Variants in NPEPPS observed in about 807,000 individuals in gnomAD.
NPEPPS encodes the protein puromycin-sensitive aminopeptidase.
In NPEPPS, 14 loss-of-function variants were observed where a neutral mutation model predicts 115.5. The ratio of observed to expected loss-of-function variants is 0.12; its 90% CI spans 0.08 to 0.19. NPEPPS has a LOEUF of 0.19. Among genes scored for constraint, NPEPPS ranks in the 10% least tolerant of loss-of-function variants. The probability of loss-of-function intolerance (pLI) is 1.00; values close to 1 mark genes in which losing one functional copy is unlikely to be tolerated. For synonymous variants in NPEPPS, 285 were observed against 390.6 expected (o/e 0.73, Z 3.19); for missense variants, 523 against 1,110.8 (o/e 0.47, Z 7.52).
Position 47,622,914 on chromosome 17 carries a change from G to GA in NPEPPS, c.*996dup, listed in dbSNP as rs1914677304. 2.2e-6 allele frequency: 1 copy of GA among 455,898 alleles called. No homozygotes were observed. Among genetic ancestry groups the GA allele is most frequent in the Non-Finnish European group, 4.4e-6 (1 of 226,810 alleles). 28.2% of individuals were successfully genotyped at this position (455,898 alleles called of 1,614,324 possible). On this transcript the variant is annotated 3_prime_UTR_variant, in exon 23 of 23. Coordinates refer to ENST00000322157, the MANE Select transcript of NPEPPS (RefSeq NM_006310.4). Reference sequence around the variant, plus strand: ...CTCCCGGTTCATTTTATGCGTGCGAGAAGTCAGTGGTAACTGCTGCAGGGC... The same window carrying GA: ...CTCCCGGTTCATTTTATGCGTGCGAGAAAGTCAGTGGTAACTGCTGCAGGGC...
At chr17:47,585,370 T>G in intron 5 of NPEPPS, 130 bp from the exon 6 acceptor site, 1 of 637,958 alleles carries the variant, frequency 1.6e-6, no homozygotes, top group Non-Finnish European at 2.7e-6. Flanking sequence ...TGAATTGGGG[T>G]AGAGAAATAA....
intron 3 of NPEPPS, among the ~76,000 whole-genome samples, chr17:47,570,087 A>G (rs1911105248): frequency 6.6e-6 from 1 of 152,226 alleles, no homozygotes; most frequent in Non-Finnish European, 1.5e-5. Flanking sequence ...ATTCTATCCT[A>G]GAATGTAATG....
At chr17:47,563,188 C>T (rs540272921) in intron 2 of NPEPPS, among the ~76,000 whole-genome samples, 4 of 151,894 alleles carry the variant, frequency 2.6e-5, no homozygotes, top group South Asian at 2.1e-4. Flanking sequence ...TGCACCACCA[C>T]GCCTGGCTAA....
intron 12 of NPEPPS, chr17:47,592,765 T>C: frequency 2.2e-6 from 1 of 451,824 alleles, no homozygotes; most frequent in Middle Eastern, 6.5e-4. Context: ...TCTTTCTTTT[T>C]TTTAATTAAA....
chr17:47,616,603 G>A (rs1198232259), intron 19 of NPEPPS, among the ~76,000 whole-genome samples: 2 of 151,830 alleles, frequency 1.3e-5, no homozygotes, highest in Non-Finnish European at 2.9e-5. Flanking sequence ...AGCATTGCTT[G>A]AACCTGGGAG....
chr17:47,607,358 A>G (rs1913578602), intron 17 of NPEPPS, among the ~76,000 whole-genome samples: 1 of 152,204 alleles, frequency 6.6e-6, no homozygotes, highest in Admixed American at 6.5e-5. Context: ...CAGAGGAAAC[A>G]GCAAGTACAA....
intron 19 of NPEPPS, among the ~76,000 whole-genome samples, chr17:47,618,127 C>T (rs1281860240): frequency 2.0e-5 from 3 of 152,020 alleles, no homozygotes; most frequent in East Asian, 1.9e-4. Flanking sequence ...GTGATCCACC[C>T]GCCTCGGCCT....
chr17:47,527,273 A>G (rs1034173687), upstream of NPEPPS, among the ~76,000 whole-genome samples: 2 of 152,198 alleles, frequency 1.3e-5, no homozygotes, highest in African/African-American at 4.8e-5. Context: ...ACTTGAGGAC[A>G]GGAGTTCGAG....
intron 12 of NPEPPS, chr17:47,596,068 A>G (rs1184303013): frequency 4.7e-6 from 1 of 211,574 alleles, no homozygotes; most frequent in African/African-American, 2.4e-5. Flanking sequence ...AGGGAAGATC[A>G]CCTGAGTCTG....
At chr17:47,534,377 C>G (rs1171966407) in intron 1 of NPEPPS, among the ~76,000 whole-genome samples, 1 of 152,064 alleles carries the variant, frequency 6.6e-6, no homozygotes, top group Admixed American at 6.6e-5. Flanking sequence ...CTGTGCCCGG[C>G]GACAAAATTC....
At chr17:47,619,913 C>A in intron 22 of NPEPPS, 129 bp downstream of exon 22, 1 of 789,948 alleles carries the variant, frequency 1.3e-6, no homozygotes, top group South Asian at 1.5e-5. Context: ...AGACATCATG[C>A]AGGGCTGTAT....
intron 19 of NPEPPS, 113 bp downstream of exon 19, chr17:47,613,838 G>C (rs531208562): frequency 2.8e-6 from 2 of 704,116 alleles, no homozygotes; most frequent in African/African-American, 1.8e-5. Context: ...GATGCATATT[G>C]TAGACATGCA....
chr17:47,541,224 T>C (rs1254328061), intron 1 of NPEPPS, among the ~76,000 whole-genome samples: 1 of 152,166 alleles, frequency 6.6e-6, no homozygotes, highest in Non-Finnish European at 1.5e-5. Context: ...TAGATGTTGA[T>C]GGATGAAAGT....
At chr17:47,593,178 G>A (rs1420239201) in intron 12 of NPEPPS, among the ~76,000 whole-genome samples, 1 of 152,190 alleles carries the variant, frequency 6.6e-6, no homozygotes, top group Non-Finnish European at 1.5e-5. Flanking sequence ...TCAACCTGCA[G>A]TAAGTCATAG....
At chr17:47,596,189 T>A (rs1273160229) in intron 12 of NPEPPS, 164 bp from the exon 13 acceptor site, 2 of 513,896 alleles carry the variant, frequency 3.9e-6, no homozygotes, top group Non-Finnish European at 7.0e-6. Context: ...TTTACTTAGT[T>A]GCAGAAGAGG....
chr17:47,564,563 CAT>C (rs201769829), intron 2 of NPEPPS, among the ~76,000 whole-genome samples: 12 of 151,116 alleles, frequency 7.9e-5, no homozygotes, highest in Admixed American at 2.0e-4. Context: ...GCTTAATTTA[CAT>C]ATATATACAT....
At chr17:47,538,742 C>G (rs1208485638) in intron 1 of NPEPPS, among the ~76,000 whole-genome samples, 2 of 151,668 alleles carry the variant, frequency 1.3e-5, no homozygotes, top group Non-Finnish European at 2.9e-5. Flanking sequence ...ATTGGCCAGG[C>G]TGGTCTCGAA....
intron 2 of NPEPPS, among the ~76,000 whole-genome samples, chr17:47,546,670 G>A (rs748470572): frequency 2.6e-5 from 4 of 152,010 alleles, no homozygotes; most frequent in Non-Finnish European, 5.9e-5. Context: ...CTCCTGAGTG[G>A]CTGAGATTAC....
chr17:47,599,696 G>A lies in NPEPPS; in HGVS notation c.1557G>A (p.Leu519=). 1.3e-6 allele frequency: 2 copies of A among 1,562,700 alleles called. No individual in the cohort carries two copies. Among genetic ancestry groups the A allele is most frequent in the Admixed American group, 3.8e-5 (2 of 52,102 alleles). ...EAEQVEDDRL[L]RLSQKKFCAG... ...TTTAGGTAGAAGATGACAGATTATT[G>A]AGGTTGTCCCAAAAGAAGTTCTGTG... is the stretch of plus-strand genomic sequence containing the variant. The change falls in exon 14 of 23, where the codon TTG becomes TTA. Residue 519 remains leucine, a synonymous_variant. Coordinates refer to ENST00000322157, the MANE Select transcript of NPEPPS (RefSeq NM_006310.4).
Sources: gnomAD v4.1 joint callset for allele counts (sites outside exome capture counted in the v4.1 genomes callset) on GRCh38, gnomAD v4.1.1 for gene constraint, MANE v1.5 for transcripts, NCBI Gene and HGNC (gene_info 2026-07-23, HGNC 2026-07-21) for gene names.